CLSTN2: variants seen among roughly 807,000 people sequenced by gnomAD.
CLSTN2 encodes the protein calsyntenin 2.
A neutral mutation model predicts 101.2 loss-of-function variants in CLSTN2; 48 were observed. The ratio of observed to expected loss-of-function variants is 0.47; its 90% confidence interval spans 0.38 to 0.60. The LOEUF (loss-of-function observed/expected upper bound fraction) is 0.60, where lower values mean the gene tolerates loss of function less well. Ranked by LOEUF, CLSTN2 falls within the 20% of genes least tolerant of loss-of-function variation. The probability of loss-of-function intolerance (pLI) is 0.00; values close to 1 mark genes in which losing one functional copy is unlikely to be tolerated. For synonymous variants in CLSTN2, 481 were observed against 463.6 expected, an observed-to-expected ratio of 1.04 and a Z score of -0.48; for missense variants, 1,160 against 1,238.2, an observed-to-expected ratio of 0.94 and a Z score of 0.95.
At chr3:140,484,863 TA>T (rs1378037458) in intron 8 of CLSTN2, among the ~76,000 whole-genome samples, 2 of 152,186 alleles carry the variant, frequency 1.3e-5, no homozygotes, top group African/African-American at 4.8e-5. Flanking sequence ...CCATTCGTCT[TA>T]TTTTTTTTCA....
chr3:140,432,617 G>A (rs547969078), intron 5 of CLSTN2, among the ~76,000 whole-genome samples: 132 of 152,158 alleles, frequency 8.7e-4, no homozygotes, highest in Non-Finnish European at 1.3e-3. Flanking sequence ...TCATTAAGGT[G>A]CAGCAAATGG....
In CLSTN2 at chr3:140,307,073, C is replaced by T. The variant is rs115277423; in HGVS notation, c.233-96556C>T. ...TCATGAGATCTGATGGCTTTATAAC[C>T]GGGAATTTCCCTGCACAAGCTCTCT... On this transcript the variant is annotated intron_variant, in intron 2 of 16. Transcript: ENST00000458420. Among the ~76,000 whole-genome samples the T allele has an allele frequency of 8.7e-3, 1,319 of 151,912 alleles. 26 individuals carry two copies. The highest frequency in any genetic ancestry group is 0.031 in the African/African-American group (1,277 of 41,396).
At chr3:140,435,686 A>C (rs533667280) in intron 5 of CLSTN2, among the ~76,000 whole-genome samples, 23 of 152,288 alleles carry the variant, frequency 1.5e-4, no homozygotes, top group African/African-American at 5.3e-4. Context: ...ATTCCCACCA[A>C]CAGTGTACAA....
chr3:139,982,069 A>G lies in CLSTN2; in HGVS notation c.109+46586A>G, dbSNP rs546567695. The stretch of plus-strand genomic sequence containing the variant: ...GATGAGGAGCTTGCTAATTCAGCCA[A>G]TAATAATTTATTTGCTACTCAGGAG... On this transcript the variant is annotated intron_variant, in intron 1 of 16. Coordinates refer to ENST00000458420, the MANE Select transcript of CLSTN2 (RefSeq NM_022131.3). Among the ~76,000 whole-genome samples the G allele has an allele frequency of 6.8e-4, 103 of 152,312 alleles. No homozygotes were observed. The Middle Eastern group carries it at 0.031, about 45-fold the overall frequency.
intron 10 of CLSTN2, among the ~76,000 whole-genome samples, chr3:140,554,062 T>C (rs914792945): frequency 4.6e-5 from 7 of 152,148 alleles, no homozygotes; most frequent in Admixed American, 1.3e-4. Context: ...AGAGTCCCTG[T>C]GCTCAGGGGC....
chr3:140,331,210 G>C (rs571675488), intron 2 of CLSTN2, among the ~76,000 whole-genome samples: 13 of 152,248 alleles, frequency 8.5e-5, no homozygotes, highest in Admixed American at 7.8e-4. Context: ...AGGGCAGAAG[G>C]ACAGGAAGCA....
chr3:139,959,734 C>T (rs762734820), intron 1 of CLSTN2, among the ~76,000 whole-genome samples: 15 of 152,132 alleles, frequency 9.9e-5, no homozygotes, highest in Non-Finnish European at 1.6e-4. Context: ...TGCCCTCAGC[C>T]AACCCCGCCC....
Position 139,998,734 on chromosome 3 carries a change from C to T in CLSTN2, c.109+63251C>T, listed in dbSNP as rs1024668499. ...GTGGTTACCTTTCATAAATCAAGAC[C>T]AGGGCAGGACATTGAAGATCTTCCT... On this transcript the variant is annotated intron_variant, in intron 1 of 16. Transcript: ENST00000458420. 2.0e-5 allele frequency among the ~76,000 whole-genome samples: 3 copies of T among 152,114 alleles called. 1 individual carries two copies. The highest frequency in any genetic ancestry group is 3.4e-3 in the Middle Eastern group (1 of 294).
At chr3:140,341,826 T>C (rs988422975) in intron 2 of CLSTN2, among the ~76,000 whole-genome samples, 2 of 152,140 alleles carry the variant, frequency 1.3e-5, no homozygotes, top group Non-Finnish European at 2.9e-5. Context: ...AAATTTACTA[T>C]CCTTAGTGAA....
chr3:140,508,889 G>A (rs1354915231), intron 8 of CLSTN2: 2 of 152,196 alleles, frequency 1.3e-5, no homozygotes, highest in African/African-American at 4.8e-5. Context: ...GGGCCTAAGA[G>A]AGGGTTTTGC....
chr3:140,036,303 T>A (rs1342167225), intron 1 of CLSTN2, among the ~76,000 whole-genome samples: 1 of 152,226 alleles, frequency 6.6e-6, no homozygotes, highest in Non-Finnish European at 1.5e-5. Context: ...ATGTCATTAA[T>A]TAAAACAATT....
chr3:140,273,945 T>G (rs534426468), intron 2 of CLSTN2, among the ~76,000 whole-genome samples: 1 of 152,118 alleles, frequency 6.6e-6, no homozygotes, highest in East Asian at 1.9e-4. Flanking sequence ...GGATGTTTGA[T>G]AGTTGAACGC....
intron 8 of CLSTN2, among the ~76,000 whole-genome samples, chr3:140,527,628 C>T (rs551818822): frequency 7.2e-5 from 11 of 152,214 alleles, no homozygotes; most frequent in African/African-American, 1.4e-4. Flanking sequence ...GTATGTTCAT[C>T]GCAGCACTGT....
At chr3:140,342,136 A>T (rs2087499457) in intron 2 of CLSTN2, among the ~76,000 whole-genome samples, 2 of 152,218 alleles carry the variant, frequency 1.3e-5, no homozygotes, top group South Asian at 2.1e-4. Flanking sequence ...TTGCCCAGCT[A>T]TGAGTAGTTA....
intron 1 of CLSTN2, among the ~76,000 whole-genome samples, chr3:139,982,434 C>T (rs138629448): frequency 1.1e-3 from 168 of 152,012 alleles, no homozygotes; most frequent in Non-Finnish European, 1.9e-3. Context: ...TATTCAGATG[C>T]TTCTGTGGGG....
intron 2 of CLSTN2, among the ~76,000 whole-genome samples, chr3:140,216,602 T>C (rs149325567): frequency 6.6e-6 from 1 of 152,296 alleles, no homozygotes; most frequent in East Asian, 1.9e-4. Flanking sequence ...GGAAATTTGG[T>C]TCTTGGGTGT....
At chr3:140,489,219 AGGGAAGGGGCTTCTGCACAGCT>A (rs898975344) in intron 8 of CLSTN2, among the ~76,000 whole-genome samples, 2 of 152,120 alleles carry the variant, frequency 1.3e-5, no homozygotes, top group African/African-American at 4.8e-5. Context: ...GATGGGGTGC[AGGGAAGGGGCTTCTGCACAGCT>A]GGTAAGGTTT....
intron 1 of CLSTN2, among the ~76,000 whole-genome samples, chr3:140,034,680 G>T (rs1031394059): frequency 2.6e-5 from 4 of 152,234 alleles, no homozygotes; most frequent in African/African-American, 9.6e-5. Context: ...GAAGCAGGGA[G>T]GGCGGGGAGG....
chr3:140,411,374 T>C (rs2107983832), intron 4 of CLSTN2, among the ~76,000 whole-genome samples: 1 of 152,354 alleles, frequency 6.6e-6, no homozygotes, highest in South Asian at 2.1e-4. Context: ...ATCAAGAAGA[T>C]ACAGCAATTG....
Sources: gnomAD v4.1 joint callset for allele counts (sites outside exome capture counted in the v4.1 genomes callset) on GRCh38, gnomAD v4.1.1 for gene constraint, MANE v1.5 for transcripts, NCBI Gene and HGNC (gene_info 2026-07-23, HGNC 2026-07-21) for gene names.